Variants in C14orf180 observed in about 807,000 individuals in gnomAD.
The protein encoded by C14orf180 is chromosome 14 open reading frame 180, also known as nutritionally-regulated adipose and cardiac enriched protein homolog.
Under a neutral mutation model 13.9 loss-of-function variants are expected in C14orf180, and 13 were observed. The observed-to-expected ratio is 0.94, with a 90% CI of 0.61 to 1.49. C14orf180 has a LOEUF of 1.49. Ranked by LOEUF, C14orf180 falls within the 40% of genes most tolerant of loss-of-function variation. The pLI, the probability that C14orf180 is intolerant of heterozygous loss-of-function variation, is 0.00. For synonymous variants in C14orf180, 113 were observed against 106.3 expected (o/e 1.06, Z -0.39); for missense variants, 238 against 232.0 (o/e 1.03, Z -0.17).
chr14:104,584,721 C>G (rs550742487), intron 1 of C14orf180, among the ~76,000 whole-genome samples: 3 of 152,344 alleles, frequency 2.0e-5, no homozygotes, highest in Admixed American at 1.3e-4. Flanking sequence ...CCGCCACCCC[C>G]CTGGATGGCC....
intron 1 of C14orf180, among the ~76,000 whole-genome samples, chr14:104,586,060 T>C (rs1479243444): frequency 6.6e-6 from 1 of 152,168 alleles, no homozygotes; most frequent in Non-Finnish European, 1.5e-5. Context: ...CCTCCAAACA[T>C]TGCAAATGAC....
Position 104,589,110 on chromosome 14 carries a change from A to G in C14orf180, c.*327A>G. On this transcript the variant is annotated 3_prime_UTR_variant, in exon 5 of 5. Transcript: ENST00000557649. This position sits in a 1 kb window ranked among gnomAD's most constrained non-coding sequence, Gnocchi z 4.9. ...AGACCCCTCCCTCGTCCCAGCAGGA[A>G]CTCCTGCTGCTGCTAGGGCCTGGCC... 1 of 487,046 alleles carries G rather than the reference A, an allele frequency of 2.1e-6. No individual in the cohort carries two copies. Among genetic ancestry groups the G allele is most frequent in the African/African-American group, 2.0e-5 (1 of 49,578 alleles). The allele number at this position is 487,046 out of a possible 1,614,324, so 30.2% of individuals were successfully genotyped here. A position where few individuals can be genotyped will look rare whatever the true frequency, so the allele number is the denominator to read the frequency against.
intron 2 of C14orf180, 57 bp from the exon 3 acceptor site, chr14:104,587,692 G>C: frequency 6.3e-7 from 1 of 1,595,516 alleles, no homozygotes; most frequent in Non-Finnish European, 8.5e-7. Context: ...GCTCAGACCT[G>C]GGTACCAGCG....
At position 104,588,310 on chromosome 14, in the gene C14orf180, G is replaced by A; in HGVS notation, c.277+1G>A. 1.2e-6 allele frequency: 2 copies of A among 1,613,968 alleles called. No individual in the cohort carries two copies. The highest frequency in any genetic ancestry group is 2.2e-5 in the East Asian group (1 of 44,874). On this transcript the variant is annotated splice_donor_variant, in intron 4 of 4. Coordinates refer to ENST00000557649, the MANE Select transcript of C14orf180 (RefSeq NM_001008404.3). LOFTEE classifies it high-confidence loss of function. ...AAGAACGCCACAGCCACTGTCAGGG[G>A]TGAGTTCTGAGCCCACATCCCTGTG...
intron 1 of C14orf180, among the ~76,000 whole-genome samples, chr14:104,584,008 G>A (rs1886527591): frequency 6.6e-6 from 1 of 152,040 alleles, no homozygotes; most frequent in East Asian, 1.9e-4. Context: ...CACACTCAGG[G>A]GAATACTCAC....
intron 1 of C14orf180, among the ~76,000 whole-genome samples, chr14:104,580,553 G>T (rs1260001842): frequency 1.3e-5 from 2 of 152,204 alleles, no homozygotes; most frequent in Non-Finnish European, 2.9e-5. Flanking sequence ...CCTTGGTGGG[G>T]GGCATCCTCC....
In C14orf180 at chr14:104,589,081, C is replaced by G; in HGVS notation, c.*298C>G. 1 of 550,494 alleles carries G rather than the reference C, an allele frequency of 1.8e-6. No individual in the cohort carries two copies. Among genetic ancestry groups the G allele is most frequent in the Non-Finnish European group, 3.1e-6 (1 of 326,250 alleles). The allele number at this position is 550,494 out of a possible 1,614,324, so 34.1% of individuals were successfully genotyped here. A position where few individuals can be genotyped will look rare whatever the true frequency, so the allele number is the denominator to read the frequency against. On this transcript the variant is annotated 3_prime_UTR_variant, in exon 5 of 5. Coordinates refer to ENST00000557649, the MANE Select transcript of C14orf180 (RefSeq NM_001008404.3). The surrounding 1 kb of genome is among the most constrained non-coding windows in gnomAD (Gnocchi z 4.9). The stretch of plus-strand genomic sequence containing the variant: ...AACAGTTGAGGCTCCCCAGGCTCAC[C>G]CAAAGACCCCTCCCTCGTCCCAGCA...
Position 104,588,869 on chromosome 14 carries a change from T to G in C14orf180, c.*86T>G. 6.7e-7 allele frequency: 1 copy of G among 1,493,812 alleles called. No homozygotes were observed. Among genetic ancestry groups the G allele is most frequent in the Non-Finnish European group, 8.9e-7 (1 of 1,122,216 alleles). The allele number at this position is 1,493,812 out of a possible 1,614,324, so 92.5% of individuals were successfully genotyped here. On this transcript the variant is annotated 3_prime_UTR_variant, in exon 5 of 5. Transcript: ENST00000557649. ...GAGACAGCCTGAGCCCTGGCCCTGC[T>G]GCTTGGTGAATCATGGGGGCCAAAA... is the stretch of plus-strand genomic sequence containing the variant.
At chr14:104,581,637 CAGAGAG>C (rs35642910) in intron 1 of C14orf180, 2,374 of 136,942 alleles carry the variant, frequency 0.017, 60 homozygotes, top group African/African-American at 0.061. Flanking sequence ...TGGGCAGGGG[CAGAGAG>C]AGAGAGAGAG....
intron 1 of C14orf180, among the ~76,000 whole-genome samples, chr14:104,585,819 C>T (rs113561829): frequency 4.6e-5 from 7 of 151,736 alleles, no homozygotes; most frequent in Admixed American, 6.6e-5. Flanking sequence ...TCGGCGGGGG[C>T]GCGGTGCAGA....
Position 104,586,513 on chromosome 14 carries a change from G to T in C14orf180, c.83G>T (p.Trp28Leu). The change falls in exon 2 of 5, where the codon TGG becomes TTG. Residue 28 changes from tryptophan (W) to leucine (L), a missense_variant. Physicochemically the swap from Trp to Leu is moderately conservative, Grantham distance 61 (BLOSUM62 -2). Coordinates refer to ENST00000557649, the MANE Select transcript of C14orf180 (RefSeq NM_001008404.3). ...RQTRKNEEAA[W>L]GPRVCRAERE... is the part of the protein sequence containing the mutation. ...ACCAGAAAGAATGAGGAGGCCGCGTGGGGCCCGCGGGTGTGCAGGGCAGAG... is the reference window on the plus strand; with the variant it reads ...ACCAGAAAGAATGAGGAGGCCGCGTTGGGCCCGCGGGTGTGCAGGGCAGAG... The T allele has an allele frequency of 6.5e-7, 1 of 1,546,124 alleles. No homozygotes were observed. The highest frequency in any genetic ancestry group is 8.7e-7 in the Non-Finnish European group (1 of 1,145,316).
At chr14:104,588,112 C>T (rs1292933756) in intron 3 of C14orf180, among the ~76,000 whole-genome samples, 162 bp from the exon 4 acceptor site, 1 of 152,240 alleles carries the variant, frequency 6.6e-6, no homozygotes, top group Non-Finnish European at 1.5e-5. Context: ...ATTCTCAAAT[C>T]ATGACTGTCC....
chr14:104,586,685 G>A (rs55671614), intron 2 of C14orf180, 144 bp downstream of exon 2: 37,655 of 302,398 alleles, frequency 0.12, 5,188 homozygotes, highest in Middle Eastern at 0.18. Flanking sequence ...GATCACTGAG[G>A]GCTGGGGGGA....
At chr14:104,584,016 C>T (rs1886527717) in intron 1 of C14orf180, among the ~76,000 whole-genome samples, 1 of 152,160 alleles carries the variant, frequency 6.6e-6, no homozygotes, top group Admixed American at 6.5e-5. Context: ...GGGGAATACT[C>T]ACACATGTGT....
In C14orf180 at chr14:104,590,225, C is replaced by G. The variant is rs931964782; in HGVS notation, c.*1442C>G. 3 of 152,232 alleles carry G rather than the reference C, an allele frequency of 2.0e-5. No individual in the cohort carries two copies. The highest frequency in any genetic ancestry group is 4.4e-5 in the Non-Finnish European group (3 of 68,044). The allele number at this position is 152,232 out of a possible 1,614,324, so 9.4% of individuals were successfully genotyped here. A position where few individuals can be genotyped will look rare whatever the true frequency, so the allele number is the denominator to read the frequency against. The stretch of plus-strand genomic sequence containing the variant: ...GGCTCCCCCGGGGACCCTCCAGCAT[C>G]TCTCCCCAGGCCCAGCCCATCCCAC... On this transcript the variant is annotated 3_prime_UTR_variant, in exon 5 of 5. Transcript: ENST00000557649.
chr14:104,588,476 C>A, intron 4 of C14orf180, 102 bp from the exon 5 acceptor site: 1 of 1,444,622 alleles, frequency 6.9e-7, no homozygotes, highest in Non-Finnish European at 9.3e-7. Context: ...GGGCCATGGG[C>A]ATGGACAGGG....
chr14:104,586,313 G>C (rs1407032386), intron 1 of C14orf180, 102 bp from the exon 2 acceptor site: 1 of 790,346 alleles, frequency 1.3e-6, no homozygotes, highest in Non-Finnish European at 1.9e-6. Context: ...AGCCCGGGAA[G>C]CCAGCCTGGC....
At chr14:104,582,528 C>G (rs1425650602) in intron 1 of C14orf180, among the ~76,000 whole-genome samples, 2 of 152,178 alleles carry the variant, frequency 1.3e-5, no homozygotes, top group African/African-American at 2.4e-5. Flanking sequence ...ACCAGCAGTA[C>G]GGGCTGGTCA....
In C14orf180 at chr14:104,588,587, G is replaced by A. The variant is rs115845341; in HGVS notation, c.287G>A (p.Arg96Gln). The A allele has an allele frequency of 3.3e-3, 4,773 of 1,449,088 alleles. 127 individuals carry two copies. The African/African-American group carries it at 0.06, about 18-fold the overall frequency. The allele number at this position is 1,449,088 out of a possible 1,614,324, so 89.8% of individuals were successfully genotyped here. Reference sequence around the variant, plus strand: ...TGCCCTCTGGCCGCAGTGCCCGGCCGGCCCAGGCCACACGGCGGCTCCCTG... The same window carrying A: ...TGCCCTCTGGCCGCAGTGCCCGGCCAGCCCAGGCCACACGGCGGCTCCCTG... The part of the protein sequence containing the change: ...NATATVRVPG[R>Q]PRPHGGSLLL... The change falls in exon 5 of 5, where the codon CGG (arginine) becomes CAG (glutamine). Residue 96 changes from arginine (R) to glutamine (Q), a missense_variant. Transcript: ENST00000557649.
Sources: gnomAD v4.1 joint callset for allele counts (sites outside exome capture counted in the v4.1 genomes callset) on GRCh38, gnomAD v4.1.1 for gene constraint, Gnocchi (gnomAD v3.1) non-coding constraint, MANE v1.5 for transcripts, NCBI Gene and HGNC (gene_info 2026-07-23, HGNC 2026-07-21) for gene names.